PTPRJ: variants seen among roughly 807,000 people sequenced by gnomAD.
PTPRJ encodes the protein protein tyrosine phosphatase receptor type J.
PTPRJ carries 129 observed loss-of-function variants against 141.3 expected under a neutral mutation model. The ratio of observed to expected loss-of-function variants is 0.91; its 90% confidence interval spans 0.79 to 1.06. The LOEUF (loss-of-function observed/expected upper bound fraction) is 1.06. Among genes scored for constraint, PTPRJ ranks in the 50% least tolerant of loss-of-function variants. PTPRJ has a pLI of 0.00. For synonymous variants in PTPRJ, 610 were observed against 640.5 expected (o/e 0.95, Z 0.72); for missense variants, 1,601 against 1,679.7 (o/e 0.95, Z 0.82).
intron 1 of PTPRJ, among the ~76,000 whole-genome samples, chr11:48,041,975 C>G (rs1434858001): frequency 1.2e-5 from 1 of 84,626 alleles, no homozygotes; most frequent in East Asian, 3.1e-4. Context: ...TTGTCCAACT[C>G]TTGAGGTGGG....
chr11:47,994,329 T>C (rs963866626), intron 1 of PTPRJ, among the ~76,000 whole-genome samples: 1 of 152,130 alleles, frequency 6.6e-6, no homozygotes, highest in African/African-American at 2.4e-5. Flanking sequence ...ACCTCCTACA[T>C]GTGCTTTGTA....
At chr11:48,116,134 T>TA (rs113529146) in intron 3 of PTPRJ, among the ~76,000 whole-genome samples, 18,778 of 146,398 alleles carry the variant, frequency 0.13, 1,540 homozygotes, top group Non-Finnish European at 0.2. Flanking sequence ...GTGAATGGGT[T>TA]AAAAAAAAAA....
chr11:48,150,179 A>G lies in PTPRJ; in HGVS notation c.3134A>G (p.Tyr1045Cys), dbSNP rs1857446083. The G allele has an allele frequency of 1.7e-5, 28 of 1,613,446 alleles. No homozygotes were observed. The highest frequency in any genetic ancestry group is 2.3e-5 in the Non-Finnish European group (27 of 1,179,434). ...ADSNCGFAEE[Y>C]EDLKLVGISQ... The stretch of plus-strand genomic sequence containing the variant: ...TCCAACTGTGGGTTCGCAGAGGAAT[A>G]CGAAGTATGTTGCTGTAAATACTGT... The change falls in exon 18 of 25, where the codon TAC becomes TGC. Residue 1045 changes from tyrosine (Y) to cysteine (C), a missense_variant. Coordinates refer to ENST00000418331, the MANE Select transcript of PTPRJ (RefSeq NM_002843.4).
intron 15 of PTPRJ, 107 bp downstream of exon 15, chr11:48,147,070 A>G (rs776408322): frequency 5.3e-6 from 5 of 947,328 alleles, no homozygotes; most frequent in Non-Finnish European, 8.5e-6. Flanking sequence ...GATGAGCGCC[A>G]TGTTCCCTTC....
At chr11:48,146,453 C>T (rs749858190) in intron 14 of PTPRJ, among the ~76,000 whole-genome samples, 9 of 152,180 alleles carry the variant, frequency 5.9e-5, no homozygotes, top group African/African-American at 1.2e-4. Context: ...CATCCTTCCC[C>T]GGTAAACAAA....
chr11:48,070,019 G>A (rs1855202026), intron 1 of PTPRJ, among the ~76,000 whole-genome samples: 1 of 152,142 alleles, frequency 6.6e-6, no homozygotes, highest in Admixed American at 6.5e-5. Context: ...GAACAAAAGT[G>A]ATATTTATCT....
At chr11:48,010,093 A>G (rs1854741456) in intron 1 of PTPRJ, among the ~76,000 whole-genome samples, 1 of 152,148 alleles carries the variant, frequency 6.6e-6, no homozygotes, top group South Asian at 2.1e-4. Flanking sequence ...TAACTCTTGT[A>G]CCTCTGTCTC....
intron 1 of PTPRJ, among the ~76,000 whole-genome samples, chr11:48,006,576 CAA>C (rs34310363): frequency 0.066 from 10,046 of 152,132 alleles, 1,063 homozygotes; most frequent in African/African-American, 0.22. Flanking sequence ...TTTGTTTCTG[CAA>C]AGAGTCTGGT....
At position 48,146,876 on chromosome 11, in the gene PTPRJ, G is replaced by A; in HGVS notation, c.2912G>A (p.Gly971Asp). The A allele has an allele frequency of 6.2e-7, 1 of 1,613,890 alleles. No homozygotes were observed. Among genetic ancestry groups the A allele is most frequent in the Non-Finnish European group, 8.5e-7 (1 of 1,179,844 alleles). Residue 971 changes from glycine (G) to aspartate (D), a missense_variant and splice_region_variant, in exon 15 of 25, where the codon GGT (glycine) becomes GAT (aspartate). Physicochemically the swap from Gly to Asp is moderately conservative, Grantham distance 94. Transcript: ENST00000418331. ...TGTCTCCCATTTGGACTTTTCTCAG[G>A]TGTCATCTGTGGAGCGGTTTTTGGC... ...SDAVSLPQDP[G>D]VICGAVFGCI...
intron 8 of PTPRJ, 127 bp from the exon 9 acceptor site, chr11:48,135,912 T>G (rs1465169668): frequency 9.4e-7 from 1 of 1,064,670 alleles, no homozygotes; most frequent in East Asian, 2.4e-5. Flanking sequence ...GATTTTGGAG[T>G]GTGCCTTTTG....
rs1854894150 is a variant in PTPRJ at position 48,060,612 on chromosome 11, AG to A, written c.97-49445del. 2.0e-5 allele frequency among the ~76,000 whole-genome samples: 3 copies of A among 152,204 alleles called. 1 individual carries two copies. The highest frequency in any genetic ancestry group is 2.0e-4 in the Admixed American group (3 of 15,270). On this transcript the variant is annotated intron_variant, in intron 1 of 24. Transcript: ENST00000418331. The stretch of plus-strand genomic sequence containing the variant: ...TGTTAATTTTAGTAAGCTTGGAAGA[AG>A]CTTCTAGGTTGTTTAGTGTTTCTAT...
intron 7 of PTPRJ, among the ~76,000 whole-genome samples, chr11:48,129,414 C>G (rs986235470): frequency 6.6e-6 from 1 of 152,174 alleles, no homozygotes; most frequent in Non-Finnish European, 1.5e-5. Context: ...GCCCTCATCT[C>G]CCTTTATAAG....
intron 1 of PTPRJ, among the ~76,000 whole-genome samples, chr11:48,035,399 G>C (rs1854094805): frequency 6.6e-6 from 1 of 152,158 alleles, no homozygotes; most frequent in Non-Finnish European, 1.5e-5. Context: ...CAAGTGTCTA[G>C]TTTCTTGTCA....
intron 1 of PTPRJ, among the ~76,000 whole-genome samples, chr11:48,070,801 G>C (rs1269603624): frequency 6.6e-6 from 1 of 152,130 alleles, no homozygotes; most frequent in Non-Finnish European, 1.5e-5. Flanking sequence ...ATTCTGTGTG[G>C]AAAATTTCTT....
In PTPRJ at chr11:48,046,912, A is replaced by ATTTTT. The variant is rs1217187387; in HGVS notation, c.97-63129_97-63125dup. ...TACATATATATATATATATATATATATTTTTTTTTTTTTTTTTTTTTGAGA... is the reference window on the plus strand; with the variant it reads ...TACATATATATATATATATATATATATTTTTTTTTTTTTTTTTTTTTTTTTTGAGA... On this transcript the variant is annotated intron_variant, in intron 1 of 24. Transcript: ENST00000418331. Among the ~76,000 whole-genome samples, 229 of 74,142 alleles carry ATTTTT rather than the reference A, an allele frequency of 3.1e-3. 4 individuals carry two copies. The highest frequency in any genetic ancestry group is 0.015 in the African/African-American group (210 of 13,692). The allele number at this position is 74,142 out of a possible 152,430, so 48.6% of individuals were successfully genotyped here.
intron 1 of PTPRJ, among the ~76,000 whole-genome samples, chr11:47,984,368 C>T (rs1392506812): frequency 6.6e-6 from 1 of 152,080 alleles, no homozygotes; most frequent in African/African-American, 2.4e-5. Flanking sequence ...ACTTCTTGGG[C>T]TAGGGAATTA....
Position 48,112,812 on chromosome 11 carries a change from A to T in PTPRJ, c.181A>T (p.Ile61Phe). The change falls in exon 3 of 25, where the codon ATC (isoleucine) becomes TTC (phenylalanine). Residue 61 changes from isoleucine to phenylalanine, a missense_variant. Transcript: ENST00000418331. ...CACAGGGGAAAATGGCATAACGCAGATCAGCAGTACAGCAGAATCCTTTCA... is the reference window on the plus strand; with the variant it reads ...CACAGGGGAAAATGGCATAACGCAGTTCAGCAGTACAGCAGAATCCTTTCA... ...VATGENGITQ[I>F]SSTAESFHKQ... 1 of 1,614,264 alleles carries T rather than the reference A, an allele frequency of 6.2e-7. No homozygotes were observed. Among genetic ancestry groups the T allele is most frequent in the Middle Eastern group, 1.6e-4 (1 of 6,062 alleles).
rs762125208 is a variant in PTPRJ, at chr11:48,098,517, CTTTTT to C, written c.97-11524_97-11520del. On this transcript the variant is annotated intron_variant, in intron 1 of 24. Transcript: ENST00000418331. ...ACCCACATTTCAAATCATTTTATCTCTTTTTTTTTTTTTTTTTTTTTGAGACGGAG... is the reference window on the plus strand; with the variant it reads ...ACCCACATTTCAAATCATTTTATCTCTTTTTTTTTTTTTTTTGAGACGGAG... Among the ~76,000 whole-genome samples the C allele has an allele frequency of 2.3e-3, 83 of 36,358 alleles. 27 individuals are homozygous for C. The Middle Eastern group carries it at 0.11, about 49-fold the overall frequency. 23.9% of individuals were successfully genotyped at this position (36,358 alleles called of 152,430 possible). A position where few individuals can be genotyped will look rare whatever the true frequency, so the allele number is the denominator to read the frequency against.
At chr11:48,116,547 A>G (rs1856571233) in intron 3 of PTPRJ, among the ~76,000 whole-genome samples, 1 of 152,248 alleles carries the variant, frequency 6.6e-6, no homozygotes, top group Admixed American at 6.5e-5. Context: ...GAAGCATCAG[A>G]CTTAAACTAC....
Sources: allele counts gnomAD v4.1 joint callset (sites outside exome capture counted in the v4.1 genomes callset), GRCh38; gene constraint gnomAD v4.1.1; transcripts MANE v1.5; gene names NCBI Gene and HGNC (gene_info 2026-07-23, HGNC 2026-07-21).